The following GLT8D2 variants were observed in gnomAD, a reference collection of about 807,000 sequenced individuals.
GLT8D2 encodes the protein glycosyltransferase 8 domain containing 2.
Under a neutral mutation model 44.5 loss-of-function variants are expected in GLT8D2, and 45 were observed. The ratio of observed to expected loss-of-function variants is 1.01; its 90% CI spans 0.80 to 1.30. The LOEUF (loss-of-function observed/expected upper bound fraction) is 1.30, where lower values mean the gene tolerates loss of function less well. Among genes scored for constraint, GLT8D2 ranks in the 50% most tolerant of loss-of-function variants. The pLI is 0.00. For missense variants in GLT8D2, 400 were observed against 430.4 expected, an observed-to-expected ratio of 0.93 and a Z score of 0.62; for synonymous variants, 156 against 157.2, an observed-to-expected ratio of 0.99 and a Z score of 0.06.
chr12:104,017,673 A>T (rs897328797), intron 3 of GLT8D2, among the ~76,000 whole-genome samples: 3 of 152,184 alleles, frequency 2.0e-5, no homozygotes, highest in Non-Finnish European at 2.9e-5. Flanking sequence ...AGCTGATGAA[A>T]AATTGAGAAG....
chr12:104,046,249 A>G (rs979177478), intron 1 of GLT8D2, among the ~76,000 whole-genome samples: 6 of 152,172 alleles, frequency 3.9e-5, no homozygotes, highest in African/African-American at 1.4e-4. Flanking sequence ...CTATTGCTAC[A>G]TAAGTATTAA....
intron 6 of GLT8D2, 105 bp downstream of exon 6, chr12:103,999,292 G>A (rs914630678): frequency 2.1e-5 from 14 of 659,684 alleles, no homozygotes; most frequent in Non-Finnish European, 3.5e-5. Context: ...AACTCCACAT[G>A]GCTTCAAAAA....
intron 2 of GLT8D2, among the ~76,000 whole-genome samples, chr12:104,021,152 C>T (rs955830202): frequency 1.3e-5 from 2 of 152,178 alleles, no homozygotes; most frequent in East Asian, 1.9e-4. Flanking sequence ...AAAGGAATCA[C>T]TCCTTTAACT....
intron 3 of GLT8D2, among the ~76,000 whole-genome samples, chr12:104,016,806 G>GA (rs1566199733): frequency 7.0e-4 from 60 of 86,152 alleles, no homozygotes; most frequent in East Asian, 4.0e-3. Flanking sequence ...AAGGAAGGAA[G>GA]GAAAGAAAGA....
intron 1 of GLT8D2, among the ~76,000 whole-genome samples, chr12:104,047,123 C>T (rs1881235841): frequency 6.6e-6 from 1 of 152,112 alleles, no homozygotes; most frequent in Non-Finnish European, 1.5e-5. Context: ...GCCACCATGC[C>T]AGCCTGAACT....
chr12:104,015,612 T>C (rs1005918130), intron 3 of GLT8D2, among the ~76,000 whole-genome samples: 2 of 152,036 alleles, frequency 1.3e-5, no homozygotes, highest in Non-Finnish European at 2.9e-5. Context: ...AGAATTAACC[T>C]GGAACACTAT....
At chr12:104,054,908 C>T (rs1183308885), upstream of GLT8D2, among the ~76,000 whole-genome samples, 1 of 152,146 alleles carries the variant, frequency 6.6e-6, no homozygotes, top group Non-Finnish European at 1.5e-5. Flanking sequence ...CAGTCAGGGT[C>T]CTGGCAGGAT....
intron 1 of GLT8D2, among the ~76,000 whole-genome samples, chr12:104,025,701 C>T (rs1243239897): frequency 2.0e-5 from 3 of 152,046 alleles, no homozygotes; most frequent in Non-Finnish European, 4.4e-5. Flanking sequence ...TATGGTTATC[C>T]AGTTGTTCCA....
chr12:104,047,811 C>G (rs1881332770), intron 1 of GLT8D2, among the ~76,000 whole-genome samples: 1 of 152,204 alleles, frequency 6.6e-6, no homozygotes. Flanking sequence ...GAGAATTTGT[C>G]TTGCTTTCTC....
At chr12:104,029,521 G>C (rs541413472) in intron 1 of GLT8D2, among the ~76,000 whole-genome samples, 5 of 152,274 alleles carry the variant, frequency 3.3e-5, no homozygotes, top group African/African-American at 1.2e-4. Flanking sequence ...AAGAGAGAGA[G>C]TGAGAGGTAC....
intron 1 of GLT8D2, among the ~76,000 whole-genome samples, chr12:104,034,145 T>A (rs1879665435): frequency 6.6e-6 from 1 of 152,238 alleles, no homozygotes; most frequent in African/African-American, 2.4e-5. Context: ...CTTACTTCCT[T>A]AAAAATTATG....
intron 1 of GLT8D2, among the ~76,000 whole-genome samples, chr12:104,047,193 G>C (rs181005861): frequency 7.7e-4 from 117 of 152,196 alleles, no homozygotes; most frequent in African/African-American, 2.7e-3. Flanking sequence ...AGAAGCCCAA[G>C]ATCAAGGTGC....
intron 2 of GLT8D2, among the ~76,000 whole-genome samples, chr12:104,020,764 C>G (rs1877524709): frequency 6.6e-6 from 1 of 152,096 alleles, no homozygotes; most frequent in Non-Finnish European, 1.5e-5. Context: ...AGGAGCATCC[C>G]AGGCAGAGGG....
rs865953938 is a variant in GLT8D2 at position 104,036,055 on chromosome 12, T to C, written c.-164+13840A>G. On this transcript the variant is annotated intron_variant, in intron 1 of 10. Coordinates refer to ENST00000360814, the MANE Select transcript of GLT8D2 (RefSeq NM_001384711.1). ...AAAGAATTTTCAACCAAGAATTTCA[T>C]ATCCAGCCAAACTAAGTGAAGGAGA... Among the ~76,000 whole-genome samples, 67 of 152,276 alleles carry C rather than the reference T, an allele frequency of 4.4e-4. 1 individual carries two copies. Among genetic ancestry groups the C allele is most frequent in the African/African-American group, 1.4e-3 (59 of 41,538 alleles).
intron 4 of GLT8D2, among the ~76,000 whole-genome samples, chr12:104,007,129 T>C (rs1265424081): frequency 6.6e-6 from 1 of 152,180 alleles, no homozygotes; most frequent in Non-Finnish European, 1.5e-5. Context: ...CATAACATCA[T>C]ACTTTAGTAC....
chr12:104,051,172 G>A (rs1012470735), upstream of GLT8D2, among the ~76,000 whole-genome samples: 1 of 151,196 alleles, frequency 6.6e-6, no homozygotes, highest in African/African-American at 2.4e-5. Context: ...TCAGGCTGGA[G>A]TGCAGTGGCG....
chr12:104,003,261 A>G lies in GLT8D2; in HGVS notation c.158T>C (p.Val53Ala), dbSNP rs1311519167. Residue 53 changes from valine (V) to alanine (A), a missense_variant, in exon 5 of 11, where the codon GTG becomes GCG. Physicochemically the swap from Val to Ala is moderately conservative, Grantham distance 64. Coordinates refer to ENST00000360814, the MANE Select transcript of GLT8D2 (RefSeq NM_001384711.1). Reference protein sequence around the residue: ...TPEELEEEIPVVICAAAGRMG... With the variant: ...TPEELEEEIPAVICAAAGRMG... The stretch of plus-strand genomic sequence containing the variant: ...CCTCCCTGCTGCAGCACAAATCACC[A>G]CAGGAATCTCTTCTTCCAGTTCTTC... The G allele has an allele frequency of 2.5e-6, 4 of 1,613,994 alleles. No individual in the cohort carries two copies. The East Asian group carries it at 8.9e-5, about 36-fold the overall frequency.
At chr12:103,990,085 ATAT>A (rs1872541998) in intron 10 of GLT8D2, among the ~76,000 whole-genome samples, 1 of 1,038 alleles carries the variant, frequency 9.6e-4, no homozygotes, top group Non-Finnish European at 1.4e-3. Context: ...ACAAATATAT[ATAT>A]ATATATATAT....
At position 104,014,212 on chromosome 12, in the gene GLT8D2, G is replaced by A. The variant is rs532067913; in HGVS notation, c.112+801C>T. ...AACCCATTTCTACAAAAAATTAGCT[G>A]GGCGTGGTGGCACACACCTGTAGTT... On this transcript the variant is annotated intron_variant, in intron 4 of 10. Coordinates refer to ENST00000360814, the MANE Select transcript of GLT8D2 (RefSeq NM_001384711.1). The A allele has an allele frequency of 1.8e-4, 119 of 671,196 alleles. 1 individual carries two copies. In the South Asian group the frequency reaches 1.8e-3, roughly 10 times the overall value. The allele number at this position is 671,196 out of a possible 1,614,324, so 41.6% of individuals were successfully genotyped here.
Sources: allele counts gnomAD v4.1 joint callset (sites outside exome capture counted in the v4.1 genomes callset), GRCh38; gene constraint gnomAD v4.1.1; transcripts MANE v1.5; gene names NCBI Gene and HGNC (gene_info 2026-07-23, HGNC 2026-07-21).